The following POLK variants were observed in gnomAD, a reference collection of about 807,000 sequenced individuals.
The protein encoded by POLK is polymerase (DNA directed) kappa.
In POLK, 76 loss-of-function variants were observed where a neutral mutation model predicts 94.0. That is an observed-to-expected ratio of 0.81 (90% confidence interval 0.67 to 0.98). POLK has a LOEUF of 0.98. Ranked by LOEUF, POLK falls within the 50% of genes least tolerant of loss-of-function variation. The pLI is 0.00. For missense variants in POLK, 954 were observed against 1,010.1 expected (o/e 0.94, Z 0.75); for synonymous variants, 349 against 325.4 (o/e 1.07, Z -0.78).
upstream of POLK, chr5:75,511,603 G>T: frequency 6.8e-7 from 1 of 1,466,888 alleles, no homozygotes. Flanking sequence ...CGCTACCGCC[G>T]CCATCTTCCT....
At chr5:75,549,618 G>A (rs1446632597) in intron 2 of POLK, among the ~76,000 whole-genome samples, 1 of 151,924 alleles carries the variant, frequency 6.6e-6, no homozygotes, top group Non-Finnish European at 1.5e-5. Flanking sequence ...AGTGCATGAG[G>A]TGAGTTTATC....
chr5:75,553,649 C>G (rs1770439422), intron 3 of POLK, among the ~76,000 whole-genome samples: 1 of 152,154 alleles, frequency 6.6e-6, no homozygotes. Context: ...ATTTCATACG[C>G]AACCCTGTGA....
exon 15 of POLK, chr5:75,598,000 T>G: frequency 7.4e-7 from 1 of 1,345,770 alleles, no homozygotes; most frequent in South Asian, 1.4e-5. Context: ...AACATACCCT[T>G]GATATATTTT....
At chr5:75,596,743 C>G (rs766242979) in exon 13 of POLK, 1 of 1,613,158 alleles carries the variant, frequency 6.2e-7, no homozygotes. Flanking sequence ...TTGTGAGAAG[C>G]AAGATTATGA....
Position 75,581,247 on chromosome 5 carries a change from G to T in POLK, c.733G>T (p.Glu245Ter). The change falls in exon 7 of 15, where the codon GAA becomes TAA. Residue 245 changes from glutamate (E) to a stop codon, truncating the protein, a stop_gained. Transcript: ENST00000241436. LOFTEE classifies it high-confidence loss of function. ...GGAAGTTAATAAACTGAGTGAGCAT[G>T]AACGATCCATCTCTCCACTACTTTT... The T allele has an allele frequency of 6.2e-7, 1 of 1,607,516 alleles. No homozygotes were observed. The highest frequency in any genetic ancestry group is 8.5e-7 in the Non-Finnish European group (1 of 1,174,040).
At chr5:75,555,495 G>A (rs1220149504) in intron 3 of POLK, among the ~76,000 whole-genome samples, 3 of 151,456 alleles carry the variant, frequency 2.0e-5, no homozygotes, top group African/African-American at 7.3e-5. Context: ...TGGCTTAATA[G>A]TTCATTTATT....
At chr5:75,603,055 A>C (rs915336033), downstream of POLK, among the ~76,000 whole-genome samples, 2 of 152,244 alleles carry the variant, frequency 1.3e-5, no homozygotes, top group Non-Finnish European at 2.9e-5. Context: ...GAAAATGTAG[A>C]CAGTGGTTAT....
chr5:75,531,932 A>C (rs1769202695), intron 1 of POLK, among the ~76,000 whole-genome samples: 1 of 152,146 alleles, frequency 6.6e-6, no homozygotes, highest in African/African-American at 2.4e-5. Context: ...TTATTTGAAG[A>C]TTTGACTAGA....
At chr5:75,572,681 G>A (rs1581051848) in intron 4 of POLK, among the ~76,000 whole-genome samples, 1 of 151,996 alleles carries the variant, frequency 6.6e-6, no homozygotes, top group African/African-American at 2.4e-5. Flanking sequence ...CTTATACCTG[G>A]TATCACATTA....
chr5:75,566,669 C>G (rs767879630), intron 3 of POLK, among the ~76,000 whole-genome samples: 1 of 152,190 alleles, frequency 6.6e-6, no homozygotes, highest in Admixed American at 6.5e-5. Context: ...ACACCCCACC[C>G]TGCTTCTCCT....
rs1371424008 is a variant in POLK, at chr5:75,559,501, GTTTGTTTTTTTGTTTTGT to G, written c.255+6922_255+6939del. ...CATTTTGGCAATTTATTGATTTGGGGTTTGTTTTTTTGTTTTGTTTTGTTTTTTTTTTTTTTTTTTTTT... is the reference window on the plus strand; with the variant it reads ...CATTTTGGCAATTTATTGATTTGGGGTTTGTTTTTTTTTTTTTTTTTTTTT... On this transcript the variant is annotated intron_variant, in intron 3 of 14. Transcript: ENST00000241436. Among the ~76,000 whole-genome samples the G allele has an allele frequency of 8.2e-4, 107 of 130,374 alleles. 4 individuals are homozygous for G. The highest frequency in any genetic ancestry group is 1.2e-3 in the Non-Finnish European group (73 of 59,618). The allele number at this position is 130,374 out of a possible 152,430, so 85.5% of individuals were successfully genotyped here.
rs146590917 is a variant in POLK at position 75,583,294 on chromosome 5, C to G, written c.936C>G (p.Gly312=). The G allele has an allele frequency of 6.4e-5, 101 of 1,584,668 alleles. 1 individual carries two copies. Among genetic ancestry groups the G allele is most frequent in the South Asian group, 2.2e-4 (19 of 85,166 alleles). ...TCATCAGAGTATTCTTCTTTTAAGG[C>G]ATTGCCCCAAATACAATGTTAGCAA... The change falls in exon 8 of 15, where the codon GGC becomes GGG. Residue 312 remains glycine (G), a splice_region_variant and synonymous_variant. Transcript: ENST00000241436.
chr5:75,604,955 C>A (rs1028011997), downstream of POLK, among the ~76,000 whole-genome samples: 2 of 152,110 alleles, frequency 1.3e-5, no homozygotes, highest in African/African-American at 4.8e-5. Context: ...TTGAACTGTT[C>A]CCCTTACCAG....
chr5:75,553,665 A>C (rs1016343371), intron 3 of POLK, among the ~76,000 whole-genome samples: 1 of 152,154 alleles, frequency 6.6e-6, no homozygotes, highest in Non-Finnish European at 1.5e-5. Context: ...TGTGATTATC[A>C]TTCTTATCTT....
chr5:75,561,860 G>T (rs1405785006), intron 3 of POLK, among the ~76,000 whole-genome samples: 3 of 152,208 alleles, frequency 2.0e-5, no homozygotes, highest in East Asian at 3.9e-4. Context: ...TATTCTATTG[G>T]TCTATATATC....
At chr5:75,598,076 A>G in exon 15 of POLK, 3 of 692,122 alleles carry the variant, frequency 4.3e-6, no homozygotes, top group Non-Finnish European at 7.0e-6. Flanking sequence ...TAATCAATGA[A>G]TTTGTTCTTT....
chr5:75,512,840 A>C (rs993627938), intron 1 of POLK: 2 of 152,274 alleles, frequency 1.3e-5, no homozygotes, highest in Non-Finnish European at 2.9e-5. Flanking sequence ...TCTAAGGGAA[A>C]ACGCTGGCCG....
chr5:75,539,062 G>A (rs565053394), intron 1 of POLK, among the ~76,000 whole-genome samples: 2 of 152,244 alleles, frequency 1.3e-5, no homozygotes, highest in South Asian at 2.1e-4. Flanking sequence ...ATGAGCCACC[G>A]TGCCCGGCCG....
intron 1 of POLK, among the ~76,000 whole-genome samples, chr5:75,535,582 G>A (rs1435442103): frequency 6.6e-6 from 1 of 152,082 alleles, no homozygotes; most frequent in Non-Finnish European, 1.5e-5. Context: ...TTTTAGGGAT[G>A]CAAATGAGTC....
Sources: gnomAD v4.1 joint callset for allele counts (sites outside exome capture counted in the v4.1 genomes callset) on GRCh38, gnomAD v4.1.1 for gene constraint, MANE v1.5 for transcripts, NCBI Gene and HGNC (gene_info 2026-07-23, HGNC 2026-07-21) for gene names.